The following PPP1R9A variants were observed in gnomAD, a reference collection of about 807,000 sequenced individuals.
PPP1R9A encodes protein phosphatase 1 regulatory subunit 9A, also known as neurabin-1.
Under a neutral mutation model 141.9 loss-of-function variants are expected in PPP1R9A, and 59 were observed. The observed-to-expected ratio is 0.42, with a 90% confidence interval of 0.34 to 0.52. The LOEUF (loss-of-function observed/expected upper bound fraction) is 0.52. PPP1R9A is among the 20% of genes least tolerant of loss of function. The pLI is 0.10. For synonymous variants in PPP1R9A, 500 were observed against 569.7 expected, an observed-to-expected ratio of 0.88 and a Z score of 1.74; for missense variants, 1,444 against 1,611.9, an observed-to-expected ratio of 0.90 and a Z score of 1.78.
intron 8 of PPP1R9A, among the ~76,000 whole-genome samples, chr7:95,231,598 C>T (rs1795965661): frequency 6.6e-6 from 1 of 152,052 alleles, no homozygotes; most frequent in African/African-American, 2.4e-5. Context: ...AAGGCACCCT[C>T]AAAACAATGC....
intron 5 of PPP1R9A, among the ~76,000 whole-genome samples, chr7:95,185,896 T>G (rs1432308681): frequency 6.6e-6 from 1 of 152,210 alleles, no homozygotes; most frequent in Non-Finnish European, 1.5e-5. Context: ...ATGCCTATTT[T>G]TATACCAGTA....
At chr7:95,205,142 A>G (rs1194431047) in intron 7 of PPP1R9A, among the ~76,000 whole-genome samples, 1 of 152,224 alleles carries the variant, frequency 6.6e-6, no homozygotes, top group Non-Finnish European at 1.5e-5. Flanking sequence ...ACAGACAGAA[A>G]GATGGGTAAA....
At chr7:95,160,130 A>G (rs923567136) in intron 4 of PPP1R9A, among the ~76,000 whole-genome samples, 15 of 151,998 alleles carry the variant, frequency 9.9e-5, no homozygotes, top group African/African-American at 3.6e-4. Context: ...TATACAATAA[A>G]CAGTATCAAT....
At chr7:94,994,066 A>T (rs530240999) in intron 2 of PPP1R9A, among the ~76,000 whole-genome samples, 24 of 152,316 alleles carry the variant, frequency 1.6e-4, no homozygotes, top group African/African-American at 5.5e-4. Context: ...CCGAAGTTTT[A>T]TCTGACACAA....
chr7:94,929,559 A>C (rs942849517), intron 2 of PPP1R9A, among the ~76,000 whole-genome samples: 5 of 152,214 alleles, frequency 3.3e-5, no homozygotes, highest in Admixed American at 2.6e-4. Flanking sequence ...ATGGTAAGGC[A>C]TGTACCACAA....
chr7:95,222,040 G>T (rs375441912), intron 7 of PPP1R9A, among the ~76,000 whole-genome samples: 1 of 152,116 alleles, frequency 6.6e-6, no homozygotes, highest in East Asian at 1.9e-4. Flanking sequence ...TACTGCTCCC[G>T]ATTCTTTCAA....
At chr7:95,225,751 A>G (rs777548104) in intron 7 of PPP1R9A, among the ~76,000 whole-genome samples, 47 of 152,184 alleles carry the variant, frequency 3.1e-4, no homozygotes, top group Non-Finnish European at 4.9e-4. Context: ...TTAGAAACGC[A>G]CTTGTATATG....
intron 5 of PPP1R9A, among the ~76,000 whole-genome samples, chr7:95,177,364 A>G (rs976312190): frequency 6.6e-6 from 1 of 152,190 alleles, no homozygotes; most frequent in Admixed American, 6.5e-5. Flanking sequence ...AACTGCTAAA[A>G]GAAGCTCTAA....
chr7:94,973,992 C>A (rs1799156242), intron 2 of PPP1R9A, among the ~76,000 whole-genome samples: 1 of 152,110 alleles, frequency 6.6e-6, no homozygotes, highest in African/African-American at 2.4e-5. Flanking sequence ...GCTAGGATTG[C>A]AGGCATGAGC....
intron 5 of PPP1R9A, among the ~76,000 whole-genome samples, chr7:95,177,981 C>G (rs545917856): frequency 6.6e-6 from 1 of 152,154 alleles, no homozygotes; most frequent in Admixed American, 6.6e-5. Flanking sequence ...GTCATCAAGA[C>G]TGAAAGTCAA....
At chr7:95,056,491 GT>G (rs1811518213) in intron 2 of PPP1R9A, among the ~76,000 whole-genome samples, 1 of 152,088 alleles carries the variant, frequency 6.6e-6, no homozygotes, top group African/African-American at 2.4e-5. Flanking sequence ...GCTCACAGTG[GT>G]TTGAGGTTAA....
At chr7:94,968,458 G>A (rs1234378335) in intron 2 of PPP1R9A, among the ~76,000 whole-genome samples, 1 of 152,164 alleles carries the variant, frequency 6.6e-6, no homozygotes, top group Non-Finnish European at 1.5e-5. Flanking sequence ...AGGCGTGAGC[G>A]TCTCTTTTGA....
intron 5 of PPP1R9A, among the ~76,000 whole-genome samples, chr7:95,164,920 T>A (rs1287979179): frequency 1.3e-5 from 2 of 152,034 alleles, no homozygotes; most frequent in Non-Finnish European, 2.9e-5. Flanking sequence ...TTTAATATAC[T>A]CCAAGTATTA....
At chr7:95,192,989 CATA>C (rs1835729629) in intron 5 of PPP1R9A, among the ~76,000 whole-genome samples, 1 of 152,050 alleles carries the variant, frequency 6.6e-6, no homozygotes, top group African/African-American at 2.4e-5. Context: ...TCAGTTTCAT[CATA>C]ATAACAATAG....
chr7:95,012,106 G>T (rs1804506209), intron 2 of PPP1R9A, among the ~76,000 whole-genome samples: 1 of 152,116 alleles, frequency 6.6e-6, no homozygotes, highest in Non-Finnish European at 1.5e-5. Context: ...CCTGGTATTA[G>T]TCAGTTCTTG....
intron 8 of PPP1R9A, among the ~76,000 whole-genome samples, chr7:95,227,375 C>CT (rs1795287869): frequency 6.6e-6 from 1 of 152,220 alleles, no homozygotes; most frequent in South Asian, 2.1e-4. Context: ...GGTGAAGAGC[C>CT]TACAGGGCAC....
chr7:94,914,628 T>A (rs544554825), intron 2 of PPP1R9A, among the ~76,000 whole-genome samples: 1 of 152,218 alleles, frequency 6.6e-6, no homozygotes, highest in Admixed American at 6.5e-5. Context: ...TTATGGACCA[T>A]GCTAATTCGA....
At position 95,210,532 on chromosome 7, in the gene PPP1R9A, C is replaced by G. The variant is rs532889955; in HGVS notation, c.1956+6802C>G. On this transcript the variant is annotated intron_variant, in intron 7 of 19. Transcript: ENST00000433360. ...TCAGGCTGGAGTGCAGTGGCATGATCTCAGCTCACTGCAACCTCCGCCTCC... is the reference window on the plus strand; with the variant it reads ...TCAGGCTGGAGTGCAGTGGCATGATGTCAGCTCACTGCAACCTCCGCCTCC... Among the ~76,000 whole-genome samples the G allele has an allele frequency of 8.6e-5, 13 of 151,764 alleles. No homozygotes were observed. In the East Asian group the frequency reaches 2.5e-3, roughly 30 times the overall value.
In PPP1R9A at chr7:95,291,037, A is replaced by T. The variant is rs1444214675; in HGVS notation, c.*734A>T. 6.6e-6 allele frequency: 1 copy of T among 152,228 alleles called. No individual in the cohort carries two copies. Among genetic ancestry groups the T allele is most frequent in the Non-Finnish European group, 1.5e-5 (1 of 68,072 alleles). The allele number at this position is 152,228 out of a possible 1,614,324, so 9.4% of individuals were successfully genotyped here. A position where few individuals can be genotyped will look rare whatever the true frequency, so the allele number is the denominator to read the frequency against. On this transcript the variant is annotated 3_prime_UTR_variant, in exon 20 of 20. Coordinates refer to ENST00000433360, the MANE Select transcript of PPP1R9A (RefSeq NM_001166160.2). ...TGAGGGTAATATTTATCCTCTAGAT[A>T]CGGCTGAACAAGAAAGAAAAAAATC...
Sources: allele counts gnomAD v4.1 joint callset (sites outside exome capture counted in the v4.1 genomes callset), GRCh38; gene constraint gnomAD v4.1.1; transcripts MANE v1.5; gene names NCBI Gene and HGNC (gene_info 2026-07-23, HGNC 2026-07-21).